TRDN: variants seen among roughly 807,000 people sequenced by gnomAD.
TRDN encodes triadin.
Under a neutral mutation model 149.7 loss-of-function variants are expected in TRDN, and 161 were observed. The ratio of observed to expected loss-of-function variants is 1.08; its 90% CI spans 0.95 to 1.23. The LOEUF (loss-of-function observed/expected upper bound fraction) is 1.23, where lower values mean the gene tolerates loss of function less well. Among genes scored for constraint, TRDN ranks in the 50% most tolerant of loss-of-function variants. The probability of loss-of-function intolerance (pLI) is 0.00; values close to 1 mark genes in which losing one functional copy is unlikely to be tolerated. For synonymous variants in TRDN, 294 were observed against 250.5 expected (o/e 1.17, Z -1.64); for missense variants, 896 against 823.5 (o/e 1.09, Z -1.08).
chr6:123,526,354 C>T (rs1015427639), intron 5 of TRDN, among the ~76,000 whole-genome samples: 2 of 151,958 alleles, frequency 1.3e-5, no homozygotes, highest in Non-Finnish European at 2.9e-5. Flanking sequence ...AAGCAAGGTT[C>T]TAACCACAGG....
intron 31 of TRDN, among the ~76,000 whole-genome samples, chr6:123,268,494 A>C (rs990462110): frequency 6.6e-6 from 1 of 152,124 alleles, no homozygotes; most frequent in African/African-American, 2.4e-5. Flanking sequence ...GGGATTGAGA[A>C]TATCTGTCAA....
At chr6:123,265,720 TATTA>T (rs1411110221) in intron 32 of TRDN, among the ~76,000 whole-genome samples, 1 of 147,510 alleles carries the variant, frequency 6.8e-6, no homozygotes, top group Non-Finnish European at 1.5e-5. Flanking sequence ...ATACTAATAA[TATTA>T]ATTATTAATA....
intron 1 of TRDN, among the ~76,000 whole-genome samples, chr6:123,586,853 C>T (rs762286783): frequency 5.0e-4 from 75 of 151,112 alleles, no homozygotes; most frequent in Non-Finnish European, 1.0e-3. Flanking sequence ...GGAAAGGGGT[C>T]GGGGCACAGA....
intron 19 of TRDN, among the ~76,000 whole-genome samples, chr6:123,374,225 A>T (rs1445985191): frequency 6.6e-6 from 1 of 152,078 alleles, no homozygotes; most frequent in Admixed American, 6.6e-5. Context: ...ACCTGATTGG[A>T]TAGTCTGTTT....
intron 38 of TRDN, among the ~76,000 whole-genome samples, chr6:123,242,222 T>G (rs896398698): frequency 1.3e-5 from 2 of 152,196 alleles, no homozygotes; most frequent in African/African-American, 4.8e-5. Flanking sequence ...GGCAAGTTCC[T>G]GGAAAATAAT....
chr6:123,366,143 A>T lies in TRDN; in HGVS notation c.1313T>A (p.Ile438Asn), dbSNP rs2873479. Residue 438 changes from isoleucine (I) to asparagine (N), a missense_variant, in exon 20 of 41, where the codon ATT (isoleucine) becomes AAT (asparagine). Coordinates refer to ENST00000334268, the MANE Select transcript of TRDN (RefSeq NM_006073.4). ...RAKEEIGAVSIKKAVPGKKEE... is the reference protein window; with the variant it reads ...RAKEEIGAVSNKKAVPGKKEE... Reference sequence around the variant, plus strand: ...CTTTAAGCTGCATTTACCTTTTTTAATTGAAACCGCACCAATCTCCTCTTT... The same window carrying T: ...CTTTAAGCTGCATTTACCTTTTTTATTTGAAACCGCACCAATCTCCTCTTT... 2.7e-3 allele frequency: 4,371 copies of T among 1,612,394 alleles called. 140 individuals are homozygous for T. The East Asian group carries it at 0.072, about 27-fold the overall frequency.
intron 38 of TRDN, among the ~76,000 whole-genome samples, chr6:123,224,555 A>G (rs1188027316): frequency 6.6e-6 from 1 of 151,858 alleles, no homozygotes; most frequent in Non-Finnish European, 1.5e-5. Flanking sequence ...CAGATTGATT[A>G]GATTTTAGCC....
intron 1 of TRDN, among the ~76,000 whole-genome samples, chr6:123,592,289 T>C (rs543258627): frequency 2.2e-4 from 33 of 152,264 alleles, no homozygotes; most frequent in African/African-American, 7.9e-4. Flanking sequence ...AACATTTCAG[T>C]TTTTACTAAG....
In TRDN at chr6:123,609,155, A is replaced by G. The variant is rs112485627; in HGVS notation, c.22+27599T>C. 1.1e-3 allele frequency among the ~76,000 whole-genome samples: 174 copies of G among 152,228 alleles called. 1 individual carries two copies. The highest frequency in any genetic ancestry group is 4.1e-3 in the African/African-American group (169 of 41,542). On this transcript the variant is annotated intron_variant, in intron 1 of 40. Transcript: ENST00000334268. Reference sequence around the variant, plus strand: ...GACACTGCACTCCAGTCTGGGTGACAGAGGGAGACTCCATCTCAAAAAAAC... The same window carrying G: ...GACACTGCACTCCAGTCTGGGTGACGGAGGGAGACTCCATCTCAAAAAAAC...
At chr6:123,351,229 C>T in intron 21 of TRDN, 1 of 979,306 alleles carries the variant, frequency 1.0e-6, no homozygotes, top group Non-Finnish European at 1.2e-6. Context: ...GCCTAAGTAT[C>T]TGTTACATGC....
In TRDN at chr6:123,351,536, G is replaced by T. The variant is rs550482262; in HGVS notation, c.1369+1003C>A. ...GAATAAATTGGAAAACATTTTCCATGCAATTATAAAGGGATTTTATTTTGA... is the reference window on the plus strand; with the variant it reads ...GAATAAATTGGAAAACATTTTCCATTCAATTATAAAGGGATTTTATTTTGA... On this transcript the variant is annotated intron_variant, in intron 21 of 40. Transcript: ENST00000334268. 17 of 981,848 alleles carry T rather than the reference G, an allele frequency of 1.7e-5. No homozygotes were observed. The African/African-American group carries it at 2.8e-4, about 16-fold the overall frequency. 60.8% of individuals were successfully genotyped at this position (981,848 alleles called of 1,614,324 possible).
At chr6:123,585,080 G>A (rs866966955) in intron 1 of TRDN, among the ~76,000 whole-genome samples, 34 of 151,620 alleles carry the variant, frequency 2.2e-4, no homozygotes, top group Middle Eastern at 6.8e-3. Flanking sequence ...TTAATGAGAT[G>A]GTAAGGGGTG....
intron 33 of TRDN, among the ~76,000 whole-genome samples, chr6:123,264,583 A>C (rs1776875408): frequency 6.6e-6 from 1 of 152,118 alleles, no homozygotes; most frequent in South Asian, 2.1e-4. Context: ...GCAGAAGCCA[A>C]GTTTGAGATG....
intron 19 of TRDN, among the ~76,000 whole-genome samples, chr6:123,374,799 AC>A (rs1480499167): frequency 6.6e-6 from 1 of 151,988 alleles, no homozygotes; most frequent in Admixed American, 6.6e-5. Flanking sequence ...AAACAAAAAA[AC>A]AAACAAAAAA....
intron 24 of TRDN, among the ~76,000 whole-genome samples, chr6:123,291,346 G>A (rs1778004835): frequency 2.6e-5 from 4 of 151,938 alleles, no homozygotes; most frequent in African/African-American, 9.7e-5. Context: ...AGGTGGATCA[G>A]GAGGTCAGGT....
At chr6:123,548,044 T>C (rs1047226743) in intron 3 of TRDN, among the ~76,000 whole-genome samples, 4 of 152,076 alleles carry the variant, frequency 2.6e-5, no homozygotes, top group African/African-American at 9.7e-5. Flanking sequence ...ATATGACATA[T>C]GTGTATAAAA....
At chr6:123,502,218 T>G in intron 8 of TRDN, 1 of 982,392 alleles carries the variant, frequency 1.0e-6, no homozygotes, top group Non-Finnish European at 1.2e-6. Flanking sequence ...TCTGCTGTTT[T>G]TTTACCACAG....
At chr6:123,389,069 T>C (rs1782012977) in intron 13 of TRDN, among the ~76,000 whole-genome samples, 1 of 152,282 alleles carries the variant, frequency 6.6e-6, no homozygotes, top group African/African-American at 2.4e-5. Flanking sequence ...AGCAAACTTA[T>C]GCCTTCTTTT....
chr6:123,318,135 CTT>C (rs1779102489), intron 23 of TRDN, among the ~76,000 whole-genome samples: 2 of 151,878 alleles, frequency 1.3e-5, no homozygotes, highest in Admixed American at 6.6e-5. Context: ...ACAATTCTCT[CTT>C]TTGATGGTGA....
Sources: gnomAD v4.1 joint callset for allele counts (sites outside exome capture counted in the v4.1 genomes callset) on GRCh38, gnomAD v4.1.1 for gene constraint, MANE v1.5 for transcripts, NCBI Gene and HGNC (gene_info 2026-07-23, HGNC 2026-07-21) for gene names.